SYNE1: variants seen among roughly 807,000 people sequenced by gnomAD.
SYNE1 encodes the protein spectrin repeat containing nuclear envelope protein 1.
A neutral mutation model predicts 1,111.0 loss-of-function variants in SYNE1; 616 were observed. The observed-to-expected ratio is 0.55, with a 90% CI of 0.52 to 0.59. The LOEUF (loss-of-function observed/expected upper bound fraction) is 0.59. Ranked by LOEUF, SYNE1 falls within the 20% of genes least tolerant of loss-of-function variation. SYNE1 has a pLI of 0.00. For synonymous variants in SYNE1, 3,855 were observed against 3,825.8 expected (o/e 1.01, Z -0.28); for missense variants, 10,006 against 10,417.0 (o/e 0.96, Z 1.72).
chr6:152,155,210 G>A, intron 132 of SYNE1, 168 bp from the exon 133 acceptor site: 2 of 677,724 alleles, frequency 3.0e-6, no homozygotes, highest in Admixed American at 5.7e-5. Context: ...AGAGACAACT[G>A]CTTGAGCTAA....
Position 152,148,144 on chromosome 6 carries a change from G to A in SYNE1, c.24877C>T (p.Arg8293Trp), listed in dbSNP as rs1307710586. The change falls in exon 137 of 146, where the codon CGG becomes TGG. Residue 8293 changes from arginine (R) to tryptophan (W), a missense_variant. Physicochemically the swap from Arg to Trp is moderately radical, Grantham distance 101 (BLOSUM62 -3). Around this residue, in one of 7 missense-constraint regions of SYNE1, gnomAD observed 761 missense variants for 795.5 expected, o/e 0.96. Transcript: ENST00000367255. The surrounding 1 kb of genome is among the most constrained non-coding windows in gnomAD (Gnocchi z 4.1). ...CTGGACATTGCAGACTCCAGGTCCCGACTGAGGTCATAGTCGTGATCCCAC... is the reference window on the plus strand; with the variant it reads ...CTGGACATTGCAGACTCCAGGTCCCAACTGAGGTCATAGTCGTGATCCCAC... ...LEWDHDYDLS[R>W]DLESAMSRAL... The A allele has an allele frequency of 3.7e-6, 6 of 1,614,156 alleles. No homozygotes were observed. The highest frequency in any genetic ancestry group is 1.3e-5 in the African/African-American group (1 of 75,040).
chr6:152,303,328 G>A (rs374614777), intron 91 of SYNE1, among the ~76,000 whole-genome samples: 4 of 150,476 alleles, frequency 2.7e-5, no homozygotes, highest in South Asian at 2.1e-4. Flanking sequence ...GCTTGAACCC[G>A]GGAGATGGAG....
At chr6:152,632,597 T>C (rs563315282) in intron 2 of SYNE1, among the ~76,000 whole-genome samples, 9 of 152,272 alleles carry the variant, frequency 5.9e-5, no homozygotes, top group South Asian at 2.1e-4. Context: ...CAACTACCTA[T>C]TGGAGGAGAG....
chr6:152,612,620 A>C (rs201858875), intron 3 of SYNE1, among the ~76,000 whole-genome samples: 3 of 152,334 alleles, frequency 2.0e-5, no homozygotes, highest in Non-Finnish European at 2.9e-5. Context: ...GTCAATAGAA[A>C]AAGAGTGAAT....
chr6:152,334,087 T>C lies in SYNE1; in HGVS notation c.12715A>G (p.Thr4239Ala), dbSNP rs760612091. 2.5e-6 allele frequency: 4 copies of C among 1,614,200 alleles called. No homozygotes were observed. In the South Asian group the frequency reaches 3.3e-5, roughly 13 times the overall value. ...TTCATACAGTCATGGTAATCTCTTGTTCTCTGAAGATCCTCTTCCCTTTGC... is the reference window on the plus strand; with the variant it reads ...TTCATACAGTCATGGTAATCTCTTGCTCTCTGAAGATCCTCTTCCCTTTGC... ...CLQREEDLQRTRDYHDCMNVV... is the reference protein window; with the variant it reads ...CLQREEDLQRARDYHDCMNVV... Residue 4239 changes from threonine to alanine, a missense_variant, in exon 77 of 146, where the codon ACA becomes GCA. This residue lies in a region of SYNE1 where 4,955 missense variants were observed against 5,017.2 expected (regional missense o/e 0.99). Coordinates refer to ENST00000367255, the MANE Select transcript of SYNE1 (RefSeq NM_182961.4).
Position 152,214,896 on chromosome 6 carries a change from T to C in SYNE1, c.22346+10A>G. On this transcript the variant is annotated intron_variant, in intron 122 of 145. Transcript: ENST00000367255. Reference sequence around the variant, plus strand: ...ACTGGAGCAACCAAGACATCTCTTGTTTACTCTACCTGAATCTTTCTGTAG... The same window carrying C: ...ACTGGAGCAACCAAGACATCTCTTGCTTACTCTACCTGAATCTTTCTGTAG... 6.2e-7 allele frequency: 1 copy of C among 1,614,026 alleles called. No homozygotes were observed. Among genetic ancestry groups the C allele is most frequent in the Non-Finnish European group, 8.5e-7 (1 of 1,179,932 alleles).
intron 3 of SYNE1, among the ~76,000 whole-genome samples, chr6:152,604,915 C>T (rs1398213028): frequency 6.9e-6 from 1 of 144,308 alleles, no homozygotes; most frequent in Non-Finnish European, 1.5e-5. Flanking sequence ...GATCATGCCA[C>T]TGCACTCAAA....
rs1296622351 is a variant in SYNE1, at chr6:152,401,243, T to C, written c.6924A>G (p.Gln2308=). The change falls in exon 47 of 146, where the codon CAA becomes CAG. Residue 2308 remains glutamine (Q), a synonymous_variant. Transcript: ENST00000367255. ...TLKDFTAQST[Q]VEKFINDITT... Reference sequence around the variant, plus strand: ...TTATGTCATTAATAAACTTCTCCACTTGTGTACTTTGAGCCGTGAAATCCT... The same window carrying C: ...TTATGTCATTAATAAACTTCTCCACCTGTGTACTTTGAGCCGTGAAATCCT... The C allele has an allele frequency of 4.3e-6, 7 of 1,614,200 alleles. No homozygotes were observed. The highest frequency in any genetic ancestry group is 5.9e-6 in the Non-Finnish European group (7 of 1,180,024).
At position 152,298,901 on chromosome 6, in the gene SYNE1, G is replaced by A. The variant is rs368803311; in HGVS notation, c.17682+1740C>T. On this transcript the variant is annotated intron_variant, in intron 93 of 145. Transcript: ENST00000367255. ...AGTAAAGCTGTGTGTCTTAATCTAAGTAAAGGCATTTTCCCCTACTTTGCA... is the reference window on the plus strand; with the variant it reads ...AGTAAAGCTGTGTGTCTTAATCTAAATAAAGGCATTTTCCCCTACTTTGCA... 7.5e-4 allele frequency among the ~76,000 whole-genome samples: 114 copies of A among 152,236 alleles called. 2 individuals are homozygous for A. The highest frequency in any genetic ancestry group is 2.6e-3 in the African/African-American group (106 of 41,540).
At chr6:152,371,272 T>TGTTCTCATGATAGTGA (rs1211495765) in intron 59 of SYNE1, among the ~76,000 whole-genome samples, 1 of 152,118 alleles carries the variant, frequency 6.6e-6, no homozygotes, top group South Asian at 2.1e-4. Flanking sequence ...CCCATGTTGC[T>TGTTCTCATGATAGTGA]GTTCTCATGA....
intron 11 of SYNE1, among the ~76,000 whole-genome samples, chr6:152,494,083 C>T (rs2098986449): frequency 6.6e-6 from 1 of 152,210 alleles, no homozygotes. Context: ...ATCCGAACAA[C>T]CTGACCGCAC....
intron 16 of SYNE1, 40 bp downstream of exon 16, chr6:152,471,557 T>C (rs768315864): frequency 1.1e-5 from 17 of 1,597,590 alleles, no homozygotes; most frequent in Admixed American, 3.3e-5. Flanking sequence ...GCTAAATCCA[T>C]GGCTCATAGG....
Position 152,206,278 on chromosome 6 carries a change from T to A in SYNE1, c.22909A>T (p.Ser7637Cys), listed in dbSNP as rs151298623. Residue 7637 changes from serine (S) to cysteine (C), a missense_variant, in exon 126 of 146, where the codon AGT becomes TGT. Physicochemically the swap from Ser to Cys is moderately radical, Grantham distance 112. Around this residue, in one of 7 missense-constraint regions of SYNE1, gnomAD observed 2,182 missense variants for 2,287.8 expected, o/e 0.95. Coordinates refer to ENST00000367255, the MANE Select transcript of SYNE1 (RefSeq NM_182961.4). ...AGKQLLLSAD[S>C]GAEAALQAEL... ...GCCTGCAAGGCGGCCTCAGCGCCAC[T>A]GTCCGCCGAGAGAAGGAGTTGCTTG... 1.9e-6 allele frequency: 3 copies of A among 1,614,012 alleles called. No individual in the cohort carries two copies. Among genetic ancestry groups the A allele is most frequent in the East Asian group, 2.2e-5 (1 of 44,860 alleles).
chr6:152,409,894 G>A (rs1285611388), intron 42 of SYNE1, among the ~76,000 whole-genome samples, 185 bp from the exon 43 acceptor site: 1 of 152,104 alleles, frequency 6.6e-6, no homozygotes, highest in East Asian at 1.9e-4. Context: ...AATATTCTCC[G>A]TGAATGAGGT....
chr6:152,449,910 G>C (rs1402754637), intron 27 of SYNE1, among the ~76,000 whole-genome samples: 1 of 152,204 alleles, frequency 6.6e-6, no homozygotes, highest in African/African-American at 2.4e-5. Flanking sequence ...CTGAAAAGAA[G>C]GAAGGGACCA....
At chr6:152,376,972 C>T in intron 56 of SYNE1, 60 bp from the exon 57 acceptor site, 2 of 1,583,062 alleles carry the variant, frequency 1.3e-6, no homozygotes, top group South Asian at 1.1e-5. Flanking sequence ...TCCATATCTT[C>T]ACACTATACA....
chr6:152,314,927 G>GGTTGCCTCACTGCAACCTCGTCATC (rs2095665105), intron 87 of SYNE1, among the ~76,000 whole-genome samples: 1 of 38,142 alleles, frequency 2.6e-5, no homozygotes, highest in South Asian at 1.3e-3. Context: ...ATGATGACGA[G>GGTTGCCTCACTGCAACCTCGTCATC]GTTGCAGTGA....
chr6:152,385,953 T>C, intron 54 of SYNE1, 115 bp from the exon 55 acceptor site: 4 of 933,656 alleles, frequency 4.3e-6, no homozygotes, highest in Non-Finnish European at 6.6e-6. Context: ...TTCATTCTTG[T>C]TCTTGAATTT....
Position 152,376,815 on chromosome 6 carries a change from T to C in SYNE1, c.9107A>G (p.Tyr3036Cys). 1 of 1,614,122 alleles carries C rather than the reference T, an allele frequency of 6.2e-7. No homozygotes were observed. Among genetic ancestry groups the C allele is most frequent in the Non-Finnish European group, 8.5e-7 (1 of 1,180,012 alleles). The stretch of plus-strand genomic sequence containing the variant: ...AATCAAGCCAGAAACTTTTCCACTG[T>C]AGGTACTCAGGTCTCTGGAAAATCG... ...LCRFSRDLST[Y>C]SGKVSGLIKE... The change falls in exon 57 of 146, where the codon TAC becomes TGC. Residue 3036 changes from tyrosine (Y) to cysteine (C), a missense_variant. Physicochemically the swap from Tyr to Cys is radical, Grantham distance 194. This residue lies in a region of SYNE1 where 4,955 missense variants were observed against 5,017.2 expected (regional missense o/e 0.99). Transcript: ENST00000367255.
Sources: allele counts gnomAD v4.1 joint callset (sites outside exome capture counted in the v4.1 genomes callset), GRCh38; gene constraint gnomAD v4.1.1; regional missense constraint gnomAD v4.1.1; non-coding constraint Gnocchi (gnomAD v3.1); transcripts MANE v1.5; gene names NCBI Gene and HGNC (gene_info 2026-07-23, HGNC 2026-07-21).